The following ST8SIA2 variants were observed in gnomAD, a reference collection of about 807,000 sequenced individuals.
The protein encoded by ST8SIA2 is alpha-2,8-sialyltransferase 8B.
A neutral mutation model predicts 37.6 loss-of-function variants in ST8SIA2; 22 were observed. The ratio of observed to expected loss-of-function variants is 0.58; its 90% CI spans 0.42 to 0.83. The LOEUF (loss-of-function observed/expected upper bound fraction) is 0.83. Ranked by LOEUF, ST8SIA2 falls within the 40% of genes least tolerant of loss-of-function variation. The pLI, the probability that ST8SIA2 is intolerant of heterozygous loss-of-function variation, is 0.00. For missense variants in ST8SIA2, 382 were observed against 484.7 expected (o/e 0.79, Z 1.99); for synonymous variants, 205 against 201.2 (o/e 1.02, Z -0.16).
At chr15:92,410,355 C>T (rs1471273689) in intron 1 of ST8SIA2, among the ~76,000 whole-genome samples, 6 of 152,222 alleles carry the variant, frequency 3.9e-5, no homozygotes, top group Non-Finnish European at 1.5e-5. Context: ...AAGAGGAAGA[C>T]AAGCTAATAT....
intron 4 of ST8SIA2, among the ~76,000 whole-genome samples, chr15:92,441,577 GCACACACACACACACACACACA>G (rs112388744): frequency 2.8e-5 from 4 of 143,258 alleles, no homozygotes; most frequent in East Asian, 2.1e-4. Context: ...CACTGTGCAT[GCACACACACACACACACACACA>G]CACACACACA....
At chr15:92,406,048 A>G (rs1395959186) in intron 1 of ST8SIA2, among the ~76,000 whole-genome samples, 1 of 152,166 alleles carries the variant, frequency 6.6e-6, no homozygotes, top group Non-Finnish European at 1.5e-5. Context: ...GTGAACCTGA[A>G]AAGAAAAGAG....
chr15:92,426,861 G>T (rs1428957172), intron 1 of ST8SIA2, among the ~76,000 whole-genome samples: 1 of 152,212 alleles, frequency 6.6e-6, no homozygotes, highest in Non-Finnish European at 1.5e-5. Flanking sequence ...AGCCAAGGCA[G>T]GCAGATCATC....
At chr15:92,419,317 T>G in intron 1 of ST8SIA2, among the ~76,000 whole-genome samples, 1 of 151,924 alleles carries the variant, frequency 6.6e-6, no homozygotes, top group East Asian at 1.9e-4. Context: ...CCTGAGAAAG[T>G]TTGCAAAGAG....
intron 5 of ST8SIA2, among the ~76,000 whole-genome samples, chr15:92,448,241 G>C (rs1052869646): frequency 1.3e-5 from 2 of 152,228 alleles, no homozygotes; most frequent in African/African-American, 4.8e-5. Context: ...GGAGAAGAAG[G>C]GGAAAAGGAG....
chr15:92,409,984 A>G (rs2049537840), intron 1 of ST8SIA2, among the ~76,000 whole-genome samples: 1 of 152,190 alleles, frequency 6.6e-6, no homozygotes. Context: ...TGTAATGACG[A>G]GGAATGTGTC....
chr15:92,445,597 A>G (rs1195294519), intron 5 of ST8SIA2, among the ~76,000 whole-genome samples: 1 of 152,164 alleles, frequency 6.6e-6, no homozygotes, highest in Non-Finnish European at 1.5e-5. Flanking sequence ...TCTCTCTAAG[A>G]TGGAGGGGAA....
chr15:92,398,323 T>C lies in ST8SIA2; in HGVS notation c.98+4161T>C, dbSNP rs575911680. Among the ~76,000 whole-genome samples, 45 of 152,296 alleles carry C rather than the reference T, an allele frequency of 3.0e-4. No homozygotes were observed. The Middle Eastern group carries it at 0.024, about 81-fold the overall frequency. ...TAAGGGCAGAGCAGGCTTGCACAGG[T>C]CTCCTCTTTTGTAACCCAATGTCCT... On this transcript the variant is annotated intron_variant, in intron 1 of 5. Coordinates refer to ENST00000268164, the MANE Select transcript of ST8SIA2 (RefSeq NM_006011.4).
chr15:92,443,068 C>G (rs1022527660), intron 4 of ST8SIA2, among the ~76,000 whole-genome samples: 3 of 152,116 alleles, frequency 2.0e-5, no homozygotes, highest in Admixed American at 1.3e-4. Flanking sequence ...AGTTTTCTTT[C>G]TGATTAACCC....
intron 5 of ST8SIA2, among the ~76,000 whole-genome samples, chr15:92,449,549 A>G (rs529729336): frequency 8.5e-5 from 13 of 152,208 alleles, no homozygotes; most frequent in African/African-American, 2.2e-4. Flanking sequence ...TGGGTGGAAT[A>G]GTAGTTCTAC....
chr15:92,400,565 T>A (rs1310658946), intron 1 of ST8SIA2, among the ~76,000 whole-genome samples: 1 of 152,202 alleles, frequency 6.6e-6, no homozygotes, highest in East Asian at 1.9e-4. Context: ...CATTGCGGAA[T>A]GTTTGGGGCC....
In ST8SIA2 at chr15:92,465,194, A is replaced by T. The variant is rs780176408; in HGVS notation, c.*809A>T. 1 of 152,436 alleles carries T rather than the reference A, an allele frequency of 6.6e-6. No individual in the cohort carries two copies. Among genetic ancestry groups the T allele is most frequent in the African/African-American group, 2.4e-5 (1 of 41,434 alleles). 9.4% of individuals were successfully genotyped at this position (152,436 alleles called of 1,614,324 possible). A position where few individuals can be genotyped will look rare whatever the true frequency, so the allele number is the denominator to read the frequency against. On this transcript the variant is annotated 3_prime_UTR_variant, in exon 6 of 6. Coordinates refer to ENST00000268164, the MANE Select transcript of ST8SIA2 (RefSeq NM_006011.4). The stretch of plus-strand genomic sequence containing the variant: ...TCCTGTTAAGGGCCCACTTGACCCT[A>T]GAATAAGGCAGGAGAGTGTCTAAAA...
At chr15:92,426,074 C>T (rs1402539696) in intron 1 of ST8SIA2, among the ~76,000 whole-genome samples, 2 of 152,124 alleles carry the variant, frequency 1.3e-5, no homozygotes, top group Non-Finnish European at 2.9e-5. Context: ...AGGAGGAAGC[C>T]GAACCTGGCA....
At chr15:92,406,619 C>T (rs558765759) in intron 1 of ST8SIA2, among the ~76,000 whole-genome samples, 1 of 152,214 alleles carries the variant, frequency 6.6e-6, no homozygotes, top group Non-Finnish European at 1.5e-5. Context: ...GCCCATCACA[C>T]CAGGGGTAGC....
intron 1 of ST8SIA2, among the ~76,000 whole-genome samples, chr15:92,412,593 C>T (rs938772093): frequency 3.9e-5 from 6 of 152,146 alleles, no homozygotes; most frequent in Non-Finnish European, 8.8e-5. Context: ...CCTTCCTGTC[C>T]ACTCCCCAGT....
At chr15:92,425,139 CCAGG>C (rs2049666273) in intron 1 of ST8SIA2, among the ~76,000 whole-genome samples, 1 of 152,168 alleles carries the variant, frequency 6.6e-6, no homozygotes, top group African/African-American at 2.4e-5. Context: ...TATCAATCAA[CCAGG>C]CAGGTATCAG....
chr15:92,410,460 C>T (rs890866735), intron 1 of ST8SIA2, among the ~76,000 whole-genome samples: 2 of 152,204 alleles, frequency 1.3e-5, no homozygotes, highest in African/African-American at 2.4e-5. Flanking sequence ...GCAACAGCAT[C>T]GTCACTGCTG....
Position 92,438,433 on chromosome 15 carries a change from A to G in ST8SIA2, c.371A>G (p.His124Arg), listed in dbSNP as rs2049775469. 6.2e-7 allele frequency: 1 copy of G among 1,614,066 alleles called. No homozygotes were observed. The highest frequency in any genetic ancestry group is 1.7e-5 in the Admixed American group (1 of 60,002). Residue 124 changes from histidine (H) to arginine (R), a missense_variant, in exon 4 of 6, where the codon CAT becomes CGT. By Grantham distance (29) the His-to-Arg change is conservative. Transcript: ENST00000268164. ...ACCCTGAAGCCTGGAGATATTATTCATTACATCTTCGATCGAGACAGCACC... is the reference window on the plus strand; with the variant it reads ...ACCCTGAAGCCTGGAGATATTATTCGTTACATCTTCGATCGAGACAGCACC... ...KGTLKPGDII[H>R]YIFDRDSTMN...
intron 1 of ST8SIA2, among the ~76,000 whole-genome samples, chr15:92,413,246 A>G (rs1195104690): frequency 2.6e-5 from 4 of 152,254 alleles, no homozygotes; most frequent in Admixed American, 1.3e-4. Flanking sequence ...GAACTCAGCC[A>G]TAACCTATCC....
Sources: allele counts gnomAD v4.1 joint callset (sites outside exome capture counted in the v4.1 genomes callset), GRCh38; gene constraint gnomAD v4.1.1; transcripts MANE v1.5; gene names NCBI Gene and HGNC (gene_info 2026-07-23, HGNC 2026-07-21).